LRMDA: variants seen among roughly 807,000 people sequenced by gnomAD.
The protein encoded by LRMDA is leucine-rich melanocyte differentiation-associated protein.
LRMDA carries 18 observed loss-of-function variants against 29.8 expected under a neutral mutation model. That is an observed-to-expected ratio of 0.60 (90% confidence interval 0.42 to 0.90). LRMDA has a LOEUF of 0.90. Ranked by LOEUF, LRMDA falls within the 40% of genes least tolerant of loss-of-function variation. The pLI is 0.00. For missense variants in LRMDA, 273 were observed against 273.9 expected (o/e 1.00, Z 0.02); for synonymous variants, 125 against 109.4 (o/e 1.14, Z -0.89).
intron 5 of LRMDA, among the ~76,000 whole-genome samples, chr10:76,127,412 A>G (rs1211205851): frequency 1.3e-5 from 2 of 152,132 alleles, no homozygotes; most frequent in Non-Finnish European, 2.9e-5. Flanking sequence ...ACATCACCCT[A>G]CAGATGCATG....
intron 2 of LRMDA, among the ~76,000 whole-genome samples, chr10:75,896,534 G>C (rs1845585394): frequency 6.6e-6 from 1 of 152,156 alleles, no homozygotes. Context: ...GGCCTGTGGT[G>C]TTGCCCTTGC....
At chr10:76,130,673 T>C (rs533221914) in intron 5 of LRMDA, among the ~76,000 whole-genome samples, 1 of 152,288 alleles carries the variant, frequency 6.6e-6, no homozygotes, top group East Asian at 1.9e-4. Flanking sequence ...ATCTTTTTTT[T>C]TATGAGACGA....
At chr10:76,365,512 T>G (rs1023409217) in intron 6 of LRMDA, among the ~76,000 whole-genome samples, 1 of 152,210 alleles carries the variant, frequency 6.6e-6, no homozygotes, top group Non-Finnish European at 1.5e-5. Flanking sequence ...ATGTTGAGCA[T>G]TTGTTCATAT....
intron 6 of LRMDA, among the ~76,000 whole-genome samples, chr10:76,492,095 C>T (rs112787309): frequency 1.3e-5 from 2 of 152,034 alleles, no homozygotes; most frequent in Non-Finnish European, 2.9e-5. Flanking sequence ...TGAATTCCTT[C>T]TCTTCGTTAT....
chr10:76,400,607 T>C (rs952592887), intron 6 of LRMDA, among the ~76,000 whole-genome samples: 15 of 152,222 alleles, frequency 9.9e-5, no homozygotes, highest in African/African-American at 3.6e-4. Context: ...CAATTACCTC[T>C]GTACTGTTCA....
intron 6 of LRMDA, among the ~76,000 whole-genome samples, chr10:76,548,544 G>A (rs1468470481): frequency 6.6e-6 from 1 of 151,958 alleles, no homozygotes; most frequent in East Asian, 1.9e-4. Context: ...GGGAGGAGAG[G>A]GGTTGTTGGA....
At chr10:76,306,860 C>G (rs1304026395) in intron 5 of LRMDA, among the ~76,000 whole-genome samples, 1 of 152,206 alleles carries the variant, frequency 6.6e-6, no homozygotes, top group East Asian at 1.9e-4. Context: ...TATGATGTCT[C>G]ATTCCCAGAA....
chr10:76,374,319 A>T (rs778118353), intron 6 of LRMDA, among the ~76,000 whole-genome samples: 3 of 152,194 alleles, frequency 2.0e-5, no homozygotes, highest in Non-Finnish European at 4.4e-5. Flanking sequence ...GAGTTCAGAT[A>T]GTGAAAATGA....
At position 75,780,455 on chromosome 10, in the gene LRMDA, C is replaced by G. The variant is rs1843367868; in HGVS notation, c.132-255553C>G. On this transcript the variant is annotated intron_variant, in intron 2 of 6. Coordinates refer to ENST00000611255, the MANE Select transcript of LRMDA (RefSeq NM_001305581.2). ...GATAGAGACCTGGAATATAGATCTC[C>G]CTGCTGACAGAGATGCTTTCAGGAG... is the stretch of plus-strand genomic sequence containing the variant. 2.0e-5 allele frequency among the ~76,000 whole-genome samples: 3 copies of G among 152,076 alleles called. No individual in the cohort carries two copies. The South Asian group carries it at 6.2e-4, about 32-fold the overall frequency.
chr10:75,946,153 C>A (rs1360454823), intron 2 of LRMDA, among the ~76,000 whole-genome samples: 1 of 152,156 alleles, frequency 6.6e-6, no homozygotes, highest in Non-Finnish European at 1.5e-5. Flanking sequence ...CTGCTTTTTT[C>A]TCTTCCACTT....
At chr10:76,343,783 C>G (rs1370045899) in intron 6 of LRMDA, among the ~76,000 whole-genome samples, 1 of 150,792 alleles carries the variant, frequency 6.6e-6, no homozygotes. Context: ...AAGTGGAAAG[C>G]CTATTATAAA....
Position 75,708,194 on chromosome 10 carries a change from C to T in LRMDA, c.131+269700C>T, listed in dbSNP as rs115486541. Among the ~76,000 whole-genome samples, 1,406 of 152,254 alleles carry T rather than the reference C, an allele frequency of 9.2e-3. 30 individuals are homozygous for T. Among genetic ancestry groups the T allele is most frequent in the African/African-American group, 0.031 (1,307 of 41,526 alleles). On this transcript the variant is annotated intron_variant, in intron 2 of 6. Coordinates refer to ENST00000611255, the MANE Select transcript of LRMDA (RefSeq NM_001305581.2). ...AGCTTCGAGAGCCCTTGATTTATTG[C>T]GCTGTCTGCTGCCACTAGCAGGGCG...
At chr10:75,922,901 TG>T (rs1846049607) in intron 2 of LRMDA, among the ~76,000 whole-genome samples, 1 of 152,236 alleles carries the variant, frequency 6.6e-6, no homozygotes, top group Admixed American at 6.5e-5. Flanking sequence ...TTGGTGGTGA[TG>T]GTGATATCCA....
intron 5 of LRMDA, among the ~76,000 whole-genome samples, chr10:76,320,554 G>A (rs2758961): frequency 0.87 from 132,416 of 152,124 alleles, 58,421 homozygotes; most frequent in Non-Finnish European, 0.95. Flanking sequence ...TTCTCTCATT[G>A]TGGGTTCATG....
rs540169609 is a variant in LRMDA at position 76,411,104 on chromosome 10, G to C, written c.601+86619G>C. 2.6e-5 allele frequency among the ~76,000 whole-genome samples: 4 copies of C among 152,288 alleles called. No individual in the cohort carries two copies. In the South Asian group the frequency reaches 8.3e-4, roughly 32 times the overall value. The stretch of plus-strand genomic sequence containing the variant: ...TATTTCACCATCATAATAACCATGA[G>C]AGGAAATTTTTATGCATAGCTATCT... On this transcript the variant is annotated intron_variant, in intron 6 of 6. Transcript: ENST00000611255.
chr10:76,340,631 T>G lies in LRMDA; in HGVS notation c.601+16146T>G, dbSNP rs536123628. On this transcript the variant is annotated intron_variant, in intron 6 of 6. Coordinates refer to ENST00000611255, the MANE Select transcript of LRMDA (RefSeq NM_001305581.2). ...ATAGATAGGAACTTCCCTAACTTGA[T>G]AAAGTGTATCTACCAGAAACCTATA... is the stretch of plus-strand genomic sequence containing the variant. 1.3e-4 allele frequency among the ~76,000 whole-genome samples: 20 copies of G among 151,374 alleles called. No individual in the cohort carries two copies. In the South Asian group the frequency reaches 4.2e-3, roughly 32 times the overall value.
At chr10:75,815,026 A>C (rs1332571819) in intron 2 of LRMDA, among the ~76,000 whole-genome samples, 5 of 152,204 alleles carry the variant, frequency 3.3e-5, no homozygotes, top group Non-Finnish European at 7.3e-5. Flanking sequence ...GAGGAAGAAT[A>C]ATCTATTATT....
At chr10:76,414,600 G>A (rs1240715507) in intron 6 of LRMDA, among the ~76,000 whole-genome samples, 1 of 152,178 alleles carries the variant, frequency 6.6e-6, no homozygotes, top group African/African-American at 2.4e-5. Flanking sequence ...CTTGTGGAAC[G>A]CTGTCATGAG....
chr10:75,959,701 C>A (rs185306651), intron 2 of LRMDA, among the ~76,000 whole-genome samples: 1 of 152,172 alleles, frequency 6.6e-6, no homozygotes, highest in South Asian at 2.1e-4. Flanking sequence ...TATATGCACA[C>A]ACCTACATAT....
Sources: allele counts gnomAD v4.1 joint callset (sites outside exome capture counted in the v4.1 genomes callset), GRCh38; gene constraint gnomAD v4.1.1; transcripts MANE v1.5; gene names NCBI Gene and HGNC (gene_info 2026-07-23, HGNC 2026-07-21).